NMNAT2: variants seen among roughly 807,000 people sequenced by gnomAD.
The protein encoded by NMNAT2 is nicotinamide/nicotinic acid mononucleotide adenylyltransferase 2.
In NMNAT2, 11 loss-of-function variants were observed where a neutral mutation model predicts 41.6. That is an observed-to-expected ratio of 0.26 (90% CI 0.17 to 0.44). The LOEUF (loss-of-function observed/expected upper bound fraction) is 0.44, where lower values mean the gene tolerates loss of function less well. Ranked by LOEUF, NMNAT2 falls within the 20% of genes least tolerant of loss-of-function variation. The probability of loss-of-function intolerance (pLI) is 1.00; values close to 1 mark genes in which losing one functional copy is unlikely to be tolerated. For synonymous variants in NMNAT2, 148 were observed against 151.2 expected (o/e 0.98, Z 0.16); for missense variants, 288 against 407.7 (o/e 0.71, Z 2.53).
intron 10 of NMNAT2, among the ~76,000 whole-genome samples, chr1:183,256,852 AG>A (rs1425366191): frequency 6.6e-6 from 1 of 152,038 alleles, no homozygotes; most frequent in Non-Finnish European, 1.5e-5. Context: ...TCTGGGTTCA[AG>A]TGATTCTTCT....
intron 8 of NMNAT2, among the ~76,000 whole-genome samples, chr1:183,274,264 A>C (rs1203620664): frequency 6.6e-6 from 1 of 152,002 alleles, no homozygotes; most frequent in African/African-American, 2.4e-5. Flanking sequence ...AGGAATTTGC[A>C]GGACAAAACC....
chr1:183,320,341 G>T (rs745924152), intron 1 of NMNAT2, among the ~76,000 whole-genome samples: 1 of 152,128 alleles, frequency 6.6e-6, no homozygotes, highest in African/African-American at 2.4e-5. Flanking sequence ...GGTGGCTCAC[G>T]CCTGTAATCC....
chr1:183,302,804 T>G (rs757053563), intron 1 of NMNAT2, among the ~76,000 whole-genome samples: 6 of 152,178 alleles, frequency 3.9e-5, no homozygotes, highest in Non-Finnish European at 8.8e-5. Context: ...CTTTTGCCCC[T>G]GTTTCTCCAC....
At position 183,352,767 on chromosome 1, in the gene NMNAT2, C is replaced by A. The variant is rs1013110223; in HGVS notation, c.86-58974G>T. On this transcript the variant is annotated intron_variant, in intron 1 of 10. Coordinates refer to ENST00000287713, the MANE Select transcript of NMNAT2 (RefSeq NM_015039.4). ...CGGGAACATGGTGATCACATCAAGGCCCTGCACTGTGGAAAAGGCCTCACC... is the reference window on the plus strand; with the variant it reads ...CGGGAACATGGTGATCACATCAAGGACCTGCACTGTGGAAAAGGCCTCACC... 1.6e-4 allele frequency among the ~76,000 whole-genome samples: 25 copies of A among 152,106 alleles called. 2 individuals carry two copies.
At chr1:183,384,245 G>A (rs568142903) in intron 1 of NMNAT2, among the ~76,000 whole-genome samples, 28 of 152,124 alleles carry the variant, frequency 1.8e-4, no homozygotes, top group Admixed American at 5.2e-4. Flanking sequence ...CTGTCACCCA[G>A]GATGGAGAGC....
chr1:183,369,643 C>G (rs554166721), intron 1 of NMNAT2, among the ~76,000 whole-genome samples: 16 of 152,074 alleles, frequency 1.1e-4, no homozygotes, highest in African/African-American at 3.9e-4. Flanking sequence ...TGTCTTTAAG[C>G]AAACAGTTCG....
chr1:183,321,469 G>A (rs570947923), intron 1 of NMNAT2, among the ~76,000 whole-genome samples: 9 of 152,256 alleles, frequency 5.9e-5, no homozygotes, highest in Middle Eastern at 3.4e-3. Context: ...GGCCAGGCGC[G>A]GTGGCTCACA....
At chr1:183,346,223 C>T (rs1193245976) in intron 1 of NMNAT2, among the ~76,000 whole-genome samples, 1 of 152,130 alleles carries the variant, frequency 6.6e-6, no homozygotes, top group Non-Finnish European at 1.5e-5. Context: ...ATTCCCACTG[C>T]TACCAGACTG....
At chr1:183,255,531 T>C (rs1384401057) in intron 10 of NMNAT2, among the ~76,000 whole-genome samples, 1 of 152,212 alleles carries the variant, frequency 6.6e-6, no homozygotes, top group Non-Finnish European at 1.5e-5. Flanking sequence ...TTTAGCAATA[T>C]TAACTTTTCT....
chr1:183,307,863 T>C (rs1662030735), intron 1 of NMNAT2, among the ~76,000 whole-genome samples: 1 of 152,210 alleles, frequency 6.6e-6, no homozygotes, highest in African/African-American at 2.4e-5. Context: ...ATTACAAGCA[T>C]GAGCTGCCGC....
At chr1:183,306,120 A>T (rs1282415374) in intron 1 of NMNAT2, among the ~76,000 whole-genome samples, 2 of 152,100 alleles carry the variant, frequency 1.3e-5, no homozygotes, top group Non-Finnish European at 2.9e-5. Flanking sequence ...CCAGCTGTCC[A>T]GGTTTGCAGG....
chr1:183,297,525 G>C (rs1171769318), intron 1 of NMNAT2, among the ~76,000 whole-genome samples: 2 of 151,860 alleles, frequency 1.3e-5, no homozygotes, highest in Admixed American at 1.3e-4. Context: ...TGGAATTACA[G>C]GGATGTGCCA....
chr1:183,307,801 C>T (rs995208884), intron 1 of NMNAT2, among the ~76,000 whole-genome samples: 9 of 152,076 alleles, frequency 5.9e-5, no homozygotes, highest in Non-Finnish European at 1.3e-4. Flanking sequence ...AGTCTGGTCT[C>T]GAACTTCTGA....
intron 1 of NMNAT2, among the ~76,000 whole-genome samples, chr1:183,411,793 A>T (rs1449315442): frequency 2.0e-5 from 3 of 152,212 alleles, no homozygotes; most frequent in Non-Finnish European, 4.4e-5. Flanking sequence ...TACGAAGGGG[A>T]AAAGATATAA....
chr1:183,293,266 G>A lies in NMNAT2; in HGVS notation c.175-409C>T, dbSNP rs561769870. On this transcript the variant is annotated intron_variant, in intron 2 of 10. Coordinates refer to ENST00000287713, the MANE Select transcript of NMNAT2 (RefSeq NM_015039.4). ...GATGGGTGGAGCTCCTAGATTTGCC[G>A]GGACACGTGGCAGGGAGGGATGAGC... Among the ~76,000 whole-genome samples, 10 of 152,320 alleles carry A rather than the reference G, an allele frequency of 6.6e-5. No individual in the cohort carries two copies. In the South Asian group the frequency reaches 1.0e-3, roughly 16 times the overall value.
At chr1:183,352,147 G>T (rs1392735606) in intron 1 of NMNAT2, among the ~76,000 whole-genome samples, 1 of 152,036 alleles carries the variant, frequency 6.6e-6, no homozygotes, top group Non-Finnish European at 1.5e-5. Flanking sequence ...GCTCATCAGG[G>T]GTTTCTCTTC....
rs1020090128 is a variant in NMNAT2, at chr1:183,330,766, T to C, written c.86-36973A>G. On this transcript the variant is annotated intron_variant, in intron 1 of 10. Coordinates refer to ENST00000287713, the MANE Select transcript of NMNAT2 (RefSeq NM_015039.4). ...TTTTGTCAACCTGCATCTTTAATGGTTAATTCAAGCAGAATCAGCGAGGTG... is the reference window on the plus strand; with the variant it reads ...TTTTGTCAACCTGCATCTTTAATGGCTAATTCAAGCAGAATCAGCGAGGTG... 2.6e-5 allele frequency among the ~76,000 whole-genome samples: 4 copies of C among 152,364 alleles called. No individual in the cohort carries two copies. In the South Asian group the frequency reaches 8.3e-4, roughly 32 times the overall value.
chr1:183,382,542 C>T (rs1422557522), intron 1 of NMNAT2, among the ~76,000 whole-genome samples: 7 of 152,122 alleles, frequency 4.6e-5, no homozygotes, highest in Admixed American at 4.6e-4. Context: ...ACCTATGAGC[C>T]TGTAAATAAA....
chr1:183,297,258 G>A (rs74129682), intron 1 of NMNAT2, among the ~76,000 whole-genome samples: 8 of 151,758 alleles, frequency 5.3e-5, no homozygotes, highest in Non-Finnish European at 1.0e-4. Flanking sequence ...AAGTTGTTGT[G>A]AGGATCAAAT....
Sources: gnomAD v4.1 joint callset for allele counts (sites outside exome capture counted in the v4.1 genomes callset) on GRCh38, gnomAD v4.1.1 for gene constraint, MANE v1.5 for transcripts, NCBI Gene and HGNC (gene_info 2026-07-23, HGNC 2026-07-21) for gene names.